TRAPPC9: variants seen among roughly 807,000 people sequenced by gnomAD.
TRAPPC9 encodes IKK2 binding protein.
A neutral mutation model predicts 124.0 loss-of-function variants in TRAPPC9; 83 were observed. The observed-to-expected ratio is 0.67, with a 90% CI of 0.56 to 0.80. The LOEUF is 0.80. Ranked by LOEUF, TRAPPC9 falls within the 30% of genes least tolerant of loss-of-function variation. TRAPPC9 has a pLI of 0.00. For missense variants in TRAPPC9, 1,302 were observed against 1,508.3 expected (o/e 0.86, Z 2.27); for synonymous variants, 638 against 617.5 (o/e 1.03, Z -0.49).
intron 2 of TRAPPC9, among the ~76,000 whole-genome samples, chr8:140,442,529 C>T (rs1257601114): frequency 2.7e-5 from 4 of 148,752 alleles, no homozygotes; most frequent in South Asian, 4.2e-4. Context: ...ACCTGGGAGG[C>T]GGAGCTTGCA....
At chr8:140,003,102 T>C (rs540759859) in intron 18 of TRAPPC9, among the ~76,000 whole-genome samples, 17 of 152,214 alleles carry the variant, frequency 1.1e-4, no homozygotes, top group East Asian at 1.9e-4. Flanking sequence ...ACAAATTACA[T>C]ACCAGATAAA....
intron 7 of TRAPPC9, among the ~76,000 whole-genome samples, chr8:140,396,275 G>A (rs1363959715): frequency 6.6e-6 from 1 of 151,660 alleles, no homozygotes; most frequent in Non-Finnish European, 1.5e-5. Context: ...CTGAGTAGCT[G>A]GGACTACAAG....
intron 9 of TRAPPC9, among the ~76,000 whole-genome samples, chr8:140,325,964 C>A (rs150125250): frequency 0.01 from 1,593 of 152,126 alleles, 23 homozygotes; most frequent in African/African-American, 0.036. Context: ...TAAGAGTACA[C>A]CGAAGCCTTT....
intron 9 of TRAPPC9, among the ~76,000 whole-genome samples, chr8:140,338,509 A>G (rs538364969): frequency 1.7e-4 from 26 of 152,338 alleles, no homozygotes; most frequent in African/African-American, 5.8e-4. Context: ...CAAAATTCGT[A>G]TATTGAAGTC....
At chr8:139,911,772 C>G (rs999284833) in intron 19 of TRAPPC9, among the ~76,000 whole-genome samples, 2 of 150,870 alleles carry the variant, frequency 1.3e-5, no homozygotes, top group African/African-American at 4.9e-5. Context: ...CCAAAACATT[C>G]AGCAAAACCA....
chr8:139,937,532 G>C (rs991677462), intron 19 of TRAPPC9, among the ~76,000 whole-genome samples: 5 of 152,156 alleles, frequency 3.3e-5, no homozygotes, highest in Admixed American at 2.6e-4. Context: ...GGAGGCTGGA[G>C]GGCCGAGGTG....
intron 21 of TRAPPC9, among the ~76,000 whole-genome samples, chr8:139,818,137 C>T (rs925484769): frequency 1.3e-5 from 2 of 152,220 alleles, no homozygotes; most frequent in African/African-American, 4.8e-5. Flanking sequence ...TAGTGACTGA[C>T]CTCGGGGCTT....
At position 140,275,798 on chromosome 8, in the gene TRAPPC9, G is replaced by T; in HGVS notation, c.2138C>A (p.Ser713Tyr). 1 of 1,613,640 alleles carries T rather than the reference G, an allele frequency of 6.2e-7. No individual in the cohort carries two copies. Among genetic ancestry groups the T allele is most frequent in the Non-Finnish European group, 8.5e-7 (1 of 1,179,532 alleles). The change falls in exon 15 of 23, where the codon TCT becomes TAT. Residue 713 changes from serine to tyrosine, a missense_variant. Transcript: ENST00000438773. ...ATTAGTAGATATTTCATCACCAGAA[G>T]AAGGTTGCAATGAATGTGCAGATCT... ...LPRSAHSLQPSSGDEISTNVS... is the reference protein window; with the variant it reads ...LPRSAHSLQPYSGDEISTNVS...
At chr8:139,987,457 G>A (rs550911338) in intron 19 of TRAPPC9, among the ~76,000 whole-genome samples, 73 of 152,118 alleles carry the variant, frequency 4.8e-4, no homozygotes, top group African/African-American at 1.5e-3. Context: ...GTCTCATCGC[G>A]GTTTGGACTT....
rs368090693 is a variant in TRAPPC9, at chr8:139,885,915, C to T, written c.3019G>A (p.Val1007Ile). 3.0e-5 allele frequency: 47 copies of T among 1,572,262 alleles called. No individual in the cohort carries two copies. The African/African-American group carries it at 3.2e-4, about 11-fold the overall frequency. ...GGCGCCAGCTGCAGGTGCTCCAGGA[C>T]GAGCTGGTTCAGGAGTCCTTCCACA... is the stretch of plus-strand genomic sequence containing the variant. ...ASVEGLLNQL[V>I]LEHLQLAPLQ... is the part of the protein sequence containing the mutation. Residue 1007 changes from valine (V) to isoleucine (I), a missense_variant, in exon 21 of 23, where the codon GTC (valine) becomes ATC (isoleucine). By Grantham distance (29) the Val-to-Ile change is conservative. Coordinates refer to ENST00000438773, the MANE Select transcript of TRAPPC9 (RefSeq NM_001160372.4).
chr8:140,387,307 G>A (rs2068781083), intron 7 of TRAPPC9, among the ~76,000 whole-genome samples: 1 of 152,170 alleles, frequency 6.6e-6, no homozygotes, highest in Non-Finnish European at 1.5e-5. Flanking sequence ...TCAGGACATA[G>A]GCACGGGCAA....
At chr8:140,230,273 G>C (rs758792834) in intron 16 of TRAPPC9, among the ~76,000 whole-genome samples, 3 of 152,106 alleles carry the variant, frequency 2.0e-5, no homozygotes, top group Admixed American at 2.0e-4. Context: ...TTAGCAGAAG[G>C]ATATTATTGC....
chr8:140,116,476 G>A (rs947831475), intron 17 of TRAPPC9, among the ~76,000 whole-genome samples: 3 of 152,184 alleles, frequency 2.0e-5, no homozygotes, highest in African/African-American at 7.2e-5. Flanking sequence ...CTTCCTTTGA[G>A]AGAAGGTAAG....
At chr8:139,970,575 C>T (rs1375120272) in intron 19 of TRAPPC9, among the ~76,000 whole-genome samples, 4 of 152,090 alleles carry the variant, frequency 2.6e-5, no homozygotes, top group East Asian at 1.9e-4. Flanking sequence ...CGGAGGGGCG[C>T]GGCTTCCCTC....
chr8:140,398,961 G>A (rs2069173459), intron 6 of TRAPPC9, among the ~76,000 whole-genome samples: 1 of 152,250 alleles, frequency 6.6e-6, no homozygotes, highest in Non-Finnish European at 1.5e-5. Context: ...GTACAGCCTA[G>A]CGACTTGGTG....
chr8:140,096,569 T>C (rs956834886), intron 17 of TRAPPC9: 2 of 152,070 alleles, frequency 1.3e-5, no homozygotes, highest in Non-Finnish European at 2.9e-5. Context: ...TCTTGAGGAA[T>C]AGGTATGAAG....
chr8:140,050,865 A>G (rs1010257823), intron 17 of TRAPPC9, among the ~76,000 whole-genome samples: 1 of 152,152 alleles, frequency 6.6e-6, no homozygotes, highest in Non-Finnish European at 1.5e-5. Context: ...ACAGCCCTGC[A>G]CAGGGGGAAG....
chr8:140,160,300 A>T (rs559129022), intron 17 of TRAPPC9, among the ~76,000 whole-genome samples: 22 of 152,346 alleles, frequency 1.4e-4, no homozygotes, highest in Admixed American at 9.1e-4. Context: ...TACTGGGTAT[A>T]TACCCAAAGG....
At chr8:139,991,762 C>G (rs1837667190) in intron 18 of TRAPPC9, among the ~76,000 whole-genome samples, 1 of 152,032 alleles carries the variant, frequency 6.6e-6, no homozygotes, top group Admixed American at 6.6e-5. Flanking sequence ...TTTTGGGAAT[C>G]TGTAGTCAGG....
Sources: allele counts gnomAD v4.1 joint callset (sites outside exome capture counted in the v4.1 genomes callset), GRCh38; gene constraint gnomAD v4.1.1; transcripts MANE v1.5; gene names NCBI Gene and HGNC (gene_info 2026-07-23, HGNC 2026-07-21).